Variants in ZMYM4 observed in about 807,000 individuals in gnomAD.
The protein encoded by ZMYM4 is zinc finger MYM-type protein 4.
In ZMYM4, 31 loss-of-function variants were observed where a neutral mutation model predicts 183.2. That is an observed-to-expected ratio of 0.17 (90% CI 0.13 to 0.23). ZMYM4 has a LOEUF of 0.23. ZMYM4 is among the 10% of genes least tolerant of loss of function. The probability of loss-of-function intolerance (pLI) is 1.00; values close to 1 mark genes in which losing one functional copy is unlikely to be tolerated. For missense variants in ZMYM4, 1,273 were observed against 1,840.3 expected (o/e 0.69, Z 5.64); for synonymous variants, 592 against 631.2 (o/e 0.94, Z 0.93).
chr1:35,316,527 A>G (rs976249113), intron 1 of ZMYM4, among the ~76,000 whole-genome samples: 3 of 152,232 alleles, frequency 2.0e-5, no homozygotes, highest in Non-Finnish European at 4.4e-5. Context: ...GACTAATCAC[A>G]TCACTTCTTT....
At chr1:35,273,353 T>A (rs2148665477) in intron 1 of ZMYM4, among the ~76,000 whole-genome samples, 1 of 152,314 alleles carries the variant, frequency 6.6e-6, no homozygotes, top group African/African-American at 2.4e-5. Context: ...TTTTGTTTTC[T>A]CAAATAGCTT....
chr1:35,371,694 C>T (rs555248037), intron 7 of ZMYM4, among the ~76,000 whole-genome samples: 1 of 152,260 alleles, frequency 6.6e-6, no homozygotes. Context: ...ACAGATGCTG[C>T]ACTTTGTCTG....
At chr1:35,272,344 A>G (rs1387525480) in intron 1 of ZMYM4, among the ~76,000 whole-genome samples, 6 of 152,222 alleles carry the variant, frequency 3.9e-5, no homozygotes, top group Non-Finnish European at 8.8e-5. Flanking sequence ...GTGCTATTTC[A>G]TAAGCTACAT....
At chr1:35,382,725 AGGTGC>A (rs1644493194) in intron 9 of ZMYM4, among the ~76,000 whole-genome samples, 1 of 152,176 alleles carries the variant, frequency 6.6e-6, no homozygotes, top group South Asian at 2.1e-4. Context: ...CTGGGATTAC[AGGTGC>A]GAGCCACCAC....
chr1:35,312,290 T>C (rs1435780361), intron 1 of ZMYM4, among the ~76,000 whole-genome samples: 1 of 152,212 alleles, frequency 6.6e-6, no homozygotes, highest in Admixed American at 6.5e-5. Context: ...TTTTCAGCCA[T>C]TATTTCTTCA....
At chr1:35,284,272 G>A (rs1570248062) in intron 1 of ZMYM4, among the ~76,000 whole-genome samples, 1 of 152,130 alleles carries the variant, frequency 6.6e-6, no homozygotes, top group South Asian at 2.1e-4. Flanking sequence ...CACCGCGCCC[G>A]GCCAAAAGTT....
intron 19 of ZMYM4, 162 bp from the exon 20 acceptor site, chr1:35,397,215 T>C: frequency 9.4e-7 from 1 of 1,064,238 alleles, no homozygotes; most frequent in Non-Finnish European, 1.2e-6. Flanking sequence ...TTTAAATGGC[T>C]CTAGTCTTAT....
At chr1:35,301,186 A>C (rs975658731) in intron 1 of ZMYM4, among the ~76,000 whole-genome samples, 4 of 152,142 alleles carry the variant, frequency 2.6e-5, no homozygotes, top group African/African-American at 9.7e-5. Context: ...ATTTTATCCT[A>C]CTGCTGACTT....
intron 7 of ZMYM4, among the ~76,000 whole-genome samples, chr1:35,374,672 CAAAA>C (rs34853951): frequency 9.4e-6 from 1 of 105,834 alleles, no homozygotes; most frequent in Non-Finnish European, 2.1e-5. Context: ...ATCTCCGTCT[CAAAA>C]AAAAAAAAAA....
chr1:35,346,882 A>G (rs1426662042), intron 2 of ZMYM4, among the ~76,000 whole-genome samples: 1 of 152,206 alleles, frequency 6.6e-6, no homozygotes, highest in Non-Finnish European at 1.5e-5. Flanking sequence ...GTCAACAAAT[A>G]TGACTTTTTG....
chr1:35,317,357 C>T (rs928656470), intron 1 of ZMYM4, among the ~76,000 whole-genome samples: 6 of 150,294 alleles, frequency 4.0e-5, no homozygotes, highest in African/African-American at 9.8e-5. Context: ...CCCTTGAACC[C>T]GGGAGGTGGA....
intron 2 of ZMYM4, among the ~76,000 whole-genome samples, chr1:35,331,365 C>G (rs1307271177): frequency 6.6e-6 from 1 of 152,116 alleles, no homozygotes; most frequent in East Asian, 1.9e-4. Flanking sequence ...ACAAACTGAT[C>G]AGTGATTAGT....
At chr1:35,377,744 A>G (rs777092786) in intron 7 of ZMYM4, among the ~76,000 whole-genome samples, 2 of 151,972 alleles carry the variant, frequency 1.3e-5, no homozygotes, top group Non-Finnish European at 2.9e-5. Context: ...TATTACTAAT[A>G]GACAGTCTTG....
rs1219310741 is a variant in ZMYM4, at chr1:35,370,549, T to C, written c.1103T>C (p.Leu368Pro). 1 of 1,613,664 alleles carries C rather than the reference T, an allele frequency of 6.2e-7. No individual in the cohort carries two copies. Among genetic ancestry groups the C allele is most frequent in the African/African-American group, 1.3e-5 (1 of 74,958 alleles). The change falls in exon 7 of 30, where the codon CTG becomes CCG. Residue 368 changes from leucine (L) to proline (P), a missense_variant. Physicochemically the swap from Leu to Pro is moderately conservative, Grantham distance 98. Around this residue, in one of 6 missense-constraint regions of ZMYM4, gnomAD observed 384 missense variants for 465.6 expected, o/e 0.82. Coordinates refer to ENST00000314607, the MANE Select transcript of ZMYM4 (RefSeq NM_005095.3). ...TCTACTCAGCTATTCTGCTCCACAC[T>C]GTGCCTCACTGGATATACAGTTCCA... ...KGSTQLFCST[L>P]CLTGYTVPPA...
intron 2 of ZMYM4, among the ~76,000 whole-genome samples, chr1:35,333,711 T>TAAAC (rs1438817704): frequency 6.6e-6 from 1 of 152,148 alleles, no homozygotes; most frequent in East Asian, 1.9e-4. Flanking sequence ...ATTATATACA[T>TAAAC]AAACATACAC....
intron 10 of ZMYM4, 70 bp from the exon 11 acceptor site, chr1:35,386,004 T>C (rs1644567240): frequency 8.9e-7 from 1 of 1,128,510 alleles, no homozygotes; most frequent in African/African-American, 1.6e-5. Context: ...TGTATAGTAT[T>C]ATTTAATTTC....
At chr1:35,376,774 C>T (rs933731242) in intron 7 of ZMYM4, among the ~76,000 whole-genome samples, 7 of 152,174 alleles carry the variant, frequency 4.6e-5, no homozygotes, top group Admixed American at 1.3e-4. Flanking sequence ...GATCTGCCCA[C>T]CTCGGCCTCC....
chr1:35,322,138 G>A (rs1177050285), intron 1 of ZMYM4, among the ~76,000 whole-genome samples: 2 of 152,152 alleles, frequency 1.3e-5, no homozygotes, highest in Admixed American at 6.5e-5. Context: ...ACCAGTCTGA[G>A]AGAAAATGGT....
chr1:35,281,970 A>C (rs535463391), intron 1 of ZMYM4, among the ~76,000 whole-genome samples: 2 of 152,206 alleles, frequency 1.3e-5, no homozygotes, highest in African/African-American at 4.8e-5. Context: ...ATCCAGTTAT[A>C]GTATGTATCA....
Sources: allele counts gnomAD v4.1 joint callset (sites outside exome capture counted in the v4.1 genomes callset), GRCh38; gene constraint gnomAD v4.1.1; regional missense constraint gnomAD v4.1.1; transcripts MANE v1.5; gene names NCBI Gene and HGNC (gene_info 2026-07-23, HGNC 2026-07-21).